TINAG: variants seen among roughly 807,000 people sequenced by gnomAD.
TINAG encodes the protein tubulointerstitial nephritis antigen.
A neutral mutation model predicts 72.7 loss-of-function variants in TINAG; 83 were observed. The observed-to-expected ratio is 1.14, with a 90% CI of 0.96 to 1.37. TINAG has a LOEUF of 1.37. Among genes scored for constraint, TINAG ranks in the 40% most tolerant of loss-of-function variants. The pLI is 0.00. For synonymous variants in TINAG, 234 were observed against 189.9 expected (o/e 1.23, Z -1.91); for missense variants, 685 against 576.6 (o/e 1.19, Z -1.93).
intron 1 of TINAG, among the ~76,000 whole-genome samples, chr6:54,319,503 C>A (rs1231028838): frequency 6.6e-6 from 1 of 151,942 alleles, no homozygotes; most frequent in East Asian, 1.9e-4. Flanking sequence ...AAAGGGATGC[C>A]TAGACGTAAA....
intron 9 of TINAG, among the ~76,000 whole-genome samples, chr6:54,362,191 A>G (rs1327907901): frequency 1.3e-5 from 2 of 151,746 alleles, no homozygotes; most frequent in African/African-American, 2.4e-5. Flanking sequence ...TATTGGAAGA[A>G]GATGCCATCC....
At chr6:54,316,581 T>C (rs1051608193) in intron 1 of TINAG, among the ~76,000 whole-genome samples, 13 of 152,134 alleles carry the variant, frequency 8.5e-5, no homozygotes, top group South Asian at 2.1e-4. Flanking sequence ...GCCTTTACTT[T>C]AGTGAAGTTT....
At chr6:54,331,827 G>A (rs929321643) in intron 4 of TINAG, among the ~76,000 whole-genome samples, 1 of 152,118 alleles carries the variant, frequency 6.6e-6, no homozygotes, top group Non-Finnish European at 1.5e-5. Flanking sequence ...GATAAACAGA[G>A]AGCCAAATCA....
chr6:54,326,657 A>G, intron 3 of TINAG, 145 bp from the exon 4 acceptor site: 2 of 568,130 alleles, frequency 3.5e-6, no homozygotes, highest in Admixed American at 7.6e-5. Flanking sequence ...ATCATTATAT[A>G]AAGAATATCT....
At chr6:54,332,212 AAAC>A (rs2150946025) in intron 4 of TINAG, among the ~76,000 whole-genome samples, 1 of 152,296 alleles carries the variant, frequency 6.6e-6, no homozygotes, top group Non-Finnish European at 1.5e-5. Context: ...ACCTGACTTC[AAAC>A]TATACTACAA....
chr6:54,333,621 AAAAAAAAAAT>A, intron 4 of TINAG, among the ~76,000 whole-genome samples: 1 of 139,778 alleles, frequency 7.2e-6, no homozygotes, highest in African/African-American at 3.1e-5. Flanking sequence ...TATAATAAAA[AAAAAAAAAAT>A]AAAATAAAAT....
upstream of TINAG, chr6:54,308,067 T>C (rs16885195): frequency 1.6e-3 from 2,485 of 1,549,576 alleles, 34 homozygotes; most frequent in African/African-American, 0.03. Flanking sequence ...GGCAACCTCA[T>C]GAGAGCCTGG....
At chr6:54,322,661 A>C (rs903037215) in intron 3 of TINAG, among the ~76,000 whole-genome samples, 4 of 152,182 alleles carry the variant, frequency 2.6e-5, no homozygotes, top group African/African-American at 9.6e-5. Flanking sequence ...TTTTTCTTGG[A>C]ACATACAAAA....
intron 9 of TINAG, among the ~76,000 whole-genome samples, chr6:54,358,648 G>A (rs1365906568): frequency 6.6e-6 from 1 of 151,630 alleles, no homozygotes; most frequent in African/African-American, 2.4e-5. Flanking sequence ...AACCTTTGCT[G>A]TTATCCTGGG....
chr6:54,369,584 T>C (rs1245926528), intron 9 of TINAG, among the ~76,000 whole-genome samples: 3 of 151,978 alleles, frequency 2.0e-5, no homozygotes, highest in Non-Finnish European at 4.4e-5. Flanking sequence ...TATTTTTGGC[T>C]GTATTAGGAC....
At chr6:54,338,654 G>A (rs2150951114) in intron 4 of TINAG, among the ~76,000 whole-genome samples, 1 of 149,528 alleles carries the variant, frequency 6.7e-6, no homozygotes, top group Admixed American at 6.7e-5. Context: ...AAACTGGGAG[G>A]CGGAGGTTGC....
intron 4 of TINAG, among the ~76,000 whole-genome samples, chr6:54,338,560 A>G (rs1426456916): frequency 1.3e-5 from 2 of 151,926 alleles, no homozygotes; most frequent in Non-Finnish European, 1.5e-5. Context: ...TTTGTACTAA[A>G]AATACGAAGA....
chr6:54,373,141 G>T (rs888564944), intron 9 of TINAG, among the ~76,000 whole-genome samples: 1 of 152,038 alleles, frequency 6.6e-6, no homozygotes, highest in Non-Finnish European at 1.5e-5. Context: ...TGTGATAAAT[G>T]CAACCCTGGT....
intron 10 of TINAG, among the ~76,000 whole-genome samples, chr6:54,388,671 T>C (rs1313839521): frequency 6.6e-6 from 1 of 152,118 alleles, no homozygotes; most frequent in Non-Finnish European, 1.5e-5. Context: ...GTGTGTCCTT[T>C]GGCCTTCATG....
chr6:54,330,474 AT>A (rs1412188380), intron 4 of TINAG, among the ~76,000 whole-genome samples: 1 of 152,260 alleles, frequency 6.6e-6, no homozygotes, highest in Non-Finnish European at 1.5e-5. Context: ...AGGGAAATTT[AT>A]AGCATGTAAT....
At chr6:54,360,841 G>GTTTTTTTTTTTTTTTTTTTTTATTTT (rs1763206512) in intron 9 of TINAG, among the ~76,000 whole-genome samples, 1 of 26,242 alleles carries the variant, frequency 3.8e-5, no homozygotes, top group African/African-American at 1.0e-4. Context: ...CAGATACTGT[G>GTTTTTTTTTTTTTTTTTTTTTATTTT]TTTTTTTTTT....
At chr6:54,333,859 C>T (rs1327613078) in intron 4 of TINAG, among the ~76,000 whole-genome samples, 2 of 152,066 alleles carry the variant, frequency 1.3e-5, no homozygotes, top group Non-Finnish European at 2.9e-5. Flanking sequence ...TATCTTCAGA[C>T]ATATATGCCT....
intron 9 of TINAG, 42 bp from the exon 10 acceptor site, chr6:54,380,483 AC>A: frequency 5.2e-6 from 8 of 1,552,784 alleles, no homozygotes; most frequent in Non-Finnish European, 7.0e-6. Flanking sequence ...AGCAAACCAA[AC>A]ATTTTAACCA....
At chr6:54,346,259 G>A (rs191195620) in intron 5 of TINAG, among the ~76,000 whole-genome samples, 304 of 152,064 alleles carry the variant, frequency 2.0e-3, no homozygotes, top group Admixed American at 9.6e-3. Flanking sequence ...TGTCTCCCTT[G>A]TTTCTTGTTC....
Sources: gnomAD v4.1 joint callset for allele counts (sites outside exome capture counted in the v4.1 genomes callset) on GRCh38, gnomAD v4.1.1 for gene constraint, MANE v1.5 for transcripts, NCBI Gene and HGNC (gene_info 2026-07-23, HGNC 2026-07-21) for gene names.